APBA2: variants seen among roughly 807,000 people sequenced by gnomAD.
APBA2 encodes amyloid-beta A4 precursor protein-binding family A member 2.
Under a neutral mutation model 75.0 loss-of-function variants are expected in APBA2, and 30 were observed. The ratio of observed to expected loss-of-function variants is 0.40; its 90% CI spans 0.30 to 0.54. APBA2 has a LOEUF of 0.54. Ranked by LOEUF, APBA2 falls within the 20% of genes least tolerant of loss-of-function variation. The pLI is 0.49. For missense variants in APBA2, 801 were observed against 1,016.1 expected (o/e 0.79, Z 2.88); for synonymous variants, 444 against 409.6 (o/e 1.08, Z -1.01).
At chr15:29,039,644 A>G (rs1170514653) in intron 3 of APBA2, among the ~76,000 whole-genome samples, 1 of 152,178 alleles carries the variant, frequency 6.6e-6, no homozygotes, top group Non-Finnish European at 1.5e-5. Context: ...ACAGCCTGCC[A>G]GTTTTCGTGT....
At chr15:28,936,180 G>A (rs1046048785) in intron 2 of APBA2, among the ~76,000 whole-genome samples, 7 of 152,278 alleles carry the variant, frequency 4.6e-5, no homozygotes, top group South Asian at 2.1e-4. Flanking sequence ...ATGGTTTTGC[G>A]TTTGCTCCTC....
At chr15:28,886,768 A>G (rs1441535323) in intron 1 of APBA2, among the ~76,000 whole-genome samples, 2 of 152,058 alleles carry the variant, frequency 1.3e-5, no homozygotes, top group Non-Finnish European at 2.9e-5. Flanking sequence ...CTTTCCCTTT[A>G]TAATAAGGCC....
chr15:28,987,318 A>G (rs532742772), intron 2 of APBA2, among the ~76,000 whole-genome samples: 1 of 152,316 alleles, frequency 6.6e-6, no homozygotes, highest in African/African-American at 2.4e-5. Flanking sequence ...TCTGTGGGCC[A>G]GGAATATGGA....
intron 2 of APBA2, chr15:28,961,460 G>A (rs1328025846): frequency 6.6e-6 from 1 of 152,124 alleles, no homozygotes; most frequent in Non-Finnish European, 1.5e-5. Context: ...AGGGTGAACT[G>A]TGTGGGGCCC....
chr15:28,976,020 A>G (rs2037319204), intron 2 of APBA2, among the ~76,000 whole-genome samples: 1 of 152,208 alleles, frequency 6.6e-6, no homozygotes, highest in South Asian at 2.1e-4. Flanking sequence ...AAACATGCTC[A>G]TGGCATATGG....
chr15:28,909,131 C>T (rs1337485351), intron 1 of APBA2, among the ~76,000 whole-genome samples: 4 of 152,088 alleles, frequency 2.6e-5, no homozygotes, highest in South Asian at 2.1e-4. Context: ...GGGCTACAGG[C>T]GCCCGCCACC....
At chr15:28,894,268 T>C (rs976495584) in intron 1 of APBA2, among the ~76,000 whole-genome samples, 4 of 152,208 alleles carry the variant, frequency 2.6e-5, no homozygotes, top group Non-Finnish European at 5.9e-5. Flanking sequence ...TCCACCCATC[T>C]ACTCAGTAGG....
At chr15:29,112,390 C>CAGA (rs2152981409) in intron 13 of APBA2, among the ~76,000 whole-genome samples, 1 of 152,348 alleles carries the variant, frequency 6.6e-6, no homozygotes, top group Admixed American at 6.5e-5. Context: ...GGGCCAGCTG[C>CAGA]AGAAATCTGG....
chr15:28,984,107 T>C (rs2037769757), intron 2 of APBA2, among the ~76,000 whole-genome samples: 1 of 151,784 alleles, frequency 6.6e-6, no homozygotes, highest in Admixed American at 6.6e-5. Context: ...GGTGGCAAGG[T>C]GGGGGATTCT....
intron 2 of APBA2, among the ~76,000 whole-genome samples, chr15:28,929,765 C>T (rs1188402990): frequency 6.6e-6 from 1 of 152,188 alleles, no homozygotes; most frequent in Non-Finnish European, 1.5e-5. Flanking sequence ...TTATCCATGT[C>T]TTGTTGATGG....
intron 4 of APBA2, among the ~76,000 whole-genome samples, chr15:29,061,227 C>T (rs545850228): frequency 6.6e-6 from 1 of 152,270 alleles, no homozygotes; most frequent in South Asian, 2.1e-4. Context: ...AGCCCCATCC[C>T]ACCTGTTACC....
chr15:29,004,627 G>C (rs1207552282), intron 3 of APBA2, among the ~76,000 whole-genome samples: 1 of 152,090 alleles, frequency 6.6e-6, no homozygotes, highest in Non-Finnish European at 1.5e-5. Flanking sequence ...CTGGCATAAC[G>C]CACGGCTGCT....
intron 2 of APBA2, among the ~76,000 whole-genome samples, chr15:28,988,181 A>G (rs1433389912): frequency 6.6e-6 from 1 of 152,006 alleles, no homozygotes; most frequent in Non-Finnish European, 1.5e-5. Context: ...TAGTACATGT[A>G]TAAGTATTTC....
intron 2 of APBA2, among the ~76,000 whole-genome samples, chr15:28,929,582 G>A (rs533815670): frequency 7.3e-4 from 111 of 152,282 alleles, no homozygotes; most frequent in African/African-American, 2.6e-3. Context: ...TGGCCCAGGC[G>A]ACACACAAGA....
chr15:29,057,490 G>A (rs2041951034), intron 4 of APBA2, among the ~76,000 whole-genome samples: 1 of 152,170 alleles, frequency 6.6e-6, no homozygotes, highest in Non-Finnish European at 1.5e-5. Flanking sequence ...TATTCTCCAT[G>A]GTCCCTACTA....
intron 2 of APBA2, among the ~76,000 whole-genome samples, chr15:28,939,168 C>T (rs1022504331): frequency 1.9e-4 from 29 of 152,170 alleles, no homozygotes; most frequent in African/African-American, 6.3e-4. Context: ...GGGTCCTGCA[C>T]GTTGTGGCAT....
At chr15:29,002,789 G>A (rs1566894641) in intron 3 of APBA2, among the ~76,000 whole-genome samples, 1 of 152,150 alleles carries the variant, frequency 6.6e-6, no homozygotes, top group Non-Finnish European at 1.5e-5. Context: ...CTGCAGGAAA[G>A]GGTGGCGTCT....
chr15:28,949,931 T>C (rs1308412974), intron 2 of APBA2, among the ~76,000 whole-genome samples: 2 of 152,190 alleles, frequency 1.3e-5, no homozygotes, highest in Non-Finnish European at 2.9e-5. Flanking sequence ...CCAACGTGGG[T>C]CCATTGCTAT....
chr15:29,108,448 G>A, intron 13 of APBA2, 59 bp downstream of exon 13: 1 of 1,612,238 alleles, frequency 6.2e-7, no homozygotes, highest in Admixed American at 1.7e-5. Flanking sequence ...GGGAGGGGGA[G>A]CAGCTCCCGT....
Sources: gnomAD v4.1 joint callset for allele counts (sites outside exome capture counted in the v4.1 genomes callset) on GRCh38, gnomAD v4.1.1 for gene constraint, MANE v1.5 for transcripts, NCBI Gene and HGNC (gene_info 2026-07-23, HGNC 2026-07-21) for gene names.